TENM4: variants seen among roughly 807,000 people sequenced by gnomAD.
TENM4 encodes the protein teneurin transmembrane protein 4.
TENM4 carries 82 observed loss-of-function variants against 243.3 expected under a neutral mutation model. The observed-to-expected ratio is 0.34, with a 90% CI of 0.28 to 0.40. TENM4 has a LOEUF of 0.40. Ranked by LOEUF, TENM4 falls within the 10% of genes least tolerant of loss-of-function variation. TENM4 has a pLI of 1.00. For synonymous variants in TENM4, 1,412 were observed against 1,456.3 expected, an observed-to-expected ratio of 0.97 and a Z score of 0.69; for missense variants, 3,138 against 3,673.3, an observed-to-expected ratio of 0.85 and a Z score of 3.77.
intron 4 of TENM4, among the ~76,000 whole-genome samples, chr11:79,144,906 A>C (rs1249077514): frequency 3.3e-5 from 5 of 152,056 alleles, no homozygotes; most frequent in Non-Finnish European, 5.9e-5. Context: ...TTTATTGTAC[A>C]TTTAAAAATA....
At chr11:79,219,465 A>G (rs1864117047) in intron 2 of TENM4, among the ~76,000 whole-genome samples, 1 of 152,166 alleles carries the variant, frequency 6.6e-6, no homozygotes, top group South Asian at 2.1e-4. Context: ...GGGGGCAGGG[A>G]GCTCCTAATT....
chr11:79,326,641 T>C (rs1383543182), intron 1 of TENM4, among the ~76,000 whole-genome samples: 1 of 152,152 alleles, frequency 6.6e-6, no homozygotes, highest in Non-Finnish European at 1.5e-5. Flanking sequence ...AGGAACTAGG[T>C]TGGGATTAAT....
chr11:79,034,414 G>T (rs1476599760), intron 6 of TENM4, among the ~76,000 whole-genome samples: 2 of 152,060 alleles, frequency 1.3e-5, no homozygotes, highest in Non-Finnish European at 2.9e-5. Context: ...CCTTATGAAG[G>T]CGCAATCCTT....
At chr11:78,909,946 C>T (rs920778801) in intron 6 of TENM4, among the ~76,000 whole-genome samples, 2 of 152,104 alleles carry the variant, frequency 1.3e-5, no homozygotes, top group Non-Finnish European at 2.9e-5. Context: ...CTGGTGGCCA[C>T]GTGGAGGATG....
intron 10 of TENM4, among the ~76,000 whole-genome samples, chr11:78,862,220 C>T (rs1224956198): frequency 6.6e-6 from 1 of 152,152 alleles, no homozygotes. Context: ...GCCCTGGAGT[C>T]ACAGACCTGG....
chr11:78,960,766 C>T (rs572907045), intron 6 of TENM4, among the ~76,000 whole-genome samples: 10 of 152,326 alleles, frequency 6.6e-5, no homozygotes, highest in South Asian at 6.2e-4. Flanking sequence ...TTGCCACCTT[C>T]GGCTATAATG....
At chr11:79,112,189 C>A (rs953680204) in intron 4 of TENM4, among the ~76,000 whole-genome samples, 1 of 152,126 alleles carries the variant, frequency 6.6e-6, no homozygotes, top group African/African-American at 2.4e-5. Context: ...CACACACATG[C>A]ATATACCCGT....
intron 7 of TENM4, among the ~76,000 whole-genome samples, chr11:78,892,483 C>T (rs1480905996): frequency 6.6e-6 from 1 of 152,224 alleles, no homozygotes; most frequent in Middle Eastern, 3.2e-3. Flanking sequence ...CACTCTCTTC[C>T]TGTGCAACTT....
intron 12 of TENM4, among the ~76,000 whole-genome samples, chr11:78,819,422 C>T (rs1210282466): frequency 1.3e-5 from 2 of 152,172 alleles, no homozygotes; most frequent in African/African-American, 4.8e-5. Context: ...CAAGGAGAGA[C>T]CACAGAAGAA....
intron 4 of TENM4, among the ~76,000 whole-genome samples, chr11:79,084,858 A>C (rs1860767275): frequency 6.6e-6 from 1 of 152,194 alleles, no homozygotes; most frequent in Admixed American, 6.5e-5. Context: ...ATGCATGCAC[A>C]CACACTCATT....
At chr11:79,026,484 G>A (rs563976074) in intron 6 of TENM4, among the ~76,000 whole-genome samples, 319 of 152,298 alleles carry the variant, frequency 2.1e-3, no homozygotes, top group African/African-American at 7.5e-3. Flanking sequence ...GCATCTGGTA[G>A]GAAAAGGAAT....
intron 5 of TENM4, among the ~76,000 whole-genome samples, chr11:79,065,941 T>G (rs1334349148): frequency 6.6e-6 from 1 of 152,204 alleles, no homozygotes; most frequent in Non-Finnish European, 1.5e-5. Flanking sequence ...AGGAATGTGT[T>G]GCAGGGAAAA....
rs559036216 is a variant in TENM4 at position 79,391,195 on chromosome 11, C to A, written c.-321+49314G>T. 5.3e-5 allele frequency among the ~76,000 whole-genome samples: 8 copies of A among 152,162 alleles called. No homozygotes were observed. In the South Asian group the frequency reaches 1.7e-3, roughly 32 times the overall value. ...AATATGTAGGGCATTTGGAACAATGCCTGGCAATAGTAAGAGTTCTACAAG... is the reference window on the plus strand; with the variant it reads ...AATATGTAGGGCATTTGGAACAATGACTGGCAATAGTAAGAGTTCTACAAG... On this transcript the variant is annotated intron_variant, in intron 1 of 33. Transcript: ENST00000278550.
chr11:78,936,801 AG>A (rs1293826620), intron 6 of TENM4, among the ~76,000 whole-genome samples: 7 of 152,342 alleles, frequency 4.6e-5, no homozygotes, highest in Non-Finnish European at 7.3e-5. Flanking sequence ...GCTAACGACA[AG>A]GTAGTGTGTT....
chr11:79,065,099 C>G, intron 5 of TENM4, 92 bp from the exon 6 acceptor site: 3 of 1,406,740 alleles, frequency 2.1e-6, no homozygotes, highest in Non-Finnish European at 2.8e-6. Flanking sequence ...CCCCAGGGCT[C>G]ACTGTCGTTC....
intron 18 of TENM4, among the ~76,000 whole-genome samples, chr11:78,758,837 T>C (rs976096327): frequency 6.6e-6 from 1 of 152,220 alleles, no homozygotes; most frequent in Admixed American, 6.5e-5. Flanking sequence ...GGTCAAATCC[T>C]GGCACTGAAA....
intron 25 of TENM4, among the ~76,000 whole-genome samples, chr11:78,716,812 C>T (rs780012468): frequency 8.5e-5 from 13 of 152,322 alleles, no homozygotes; most frequent in South Asian, 4.1e-4. Context: ...AGCTCTGGGG[C>T]GGGGAACTTG....
chr11:78,812,088 G>A lies in TENM4; in HGVS notation c.1978+34C>T, dbSNP rs377339389. The stretch of plus-strand genomic sequence containing the variant: ...ACTATATGCCAGCCTCTATCTCAGA[G>A]GAAGGTGCCGGAGCTGCCACCTGCA... On this transcript the variant is annotated intron_variant, in intron 14 of 33. Coordinates refer to ENST00000278550, the MANE Select transcript of TENM4 (RefSeq NM_001098816.3). 10 of 1,540,138 alleles carry A rather than the reference G, an allele frequency of 6.5e-6. 1 individual carries two copies. The highest frequency in any genetic ancestry group is 6.0e-5 in the South Asian group (5 of 83,328).
intron 6 of TENM4, among the ~76,000 whole-genome samples, chr11:79,020,912 T>C (rs1858909803): frequency 6.6e-6 from 1 of 152,188 alleles, no homozygotes; most frequent in Non-Finnish European, 1.5e-5. Flanking sequence ...GCTGAACACA[T>C]GCCTTACTCT....
Sources: gnomAD v4.1 joint callset for allele counts (sites outside exome capture counted in the v4.1 genomes callset) on GRCh38, gnomAD v4.1.1 for gene constraint, MANE v1.5 for transcripts, NCBI Gene and HGNC (gene_info 2026-07-23, HGNC 2026-07-21) for gene names.